The following LRP1B variants were observed in gnomAD, a reference collection of about 807,000 sequenced individuals.
LRP1B encodes the protein LDL receptor related protein 1B.
A neutral mutation model predicts 556.6 loss-of-function variants in LRP1B; 217 were observed. The observed-to-expected ratio is 0.39, with a 90% CI of 0.35 to 0.44. LRP1B has a LOEUF of 0.44. Among genes scored for constraint, LRP1B ranks in the 20% least tolerant of loss-of-function variants. The probability of loss-of-function intolerance (pLI) is 1.00; values close to 1 mark genes in which losing one functional copy is unlikely to be tolerated. For missense variants in LRP1B, 5,053 were observed against 5,620.8 expected (o/e 0.90, Z 3.23); for synonymous variants, 2,047 against 1,865.8 (o/e 1.10, Z -2.50).
intron 86 of LRP1B, among the ~76,000 whole-genome samples, chr2:140,257,143 A>G (rs2104918947): frequency 6.6e-6 from 1 of 152,208 alleles, no homozygotes; most frequent in East Asian, 1.9e-4. Context: ...GTATAAAGTT[A>G]ATTTGGGATC....
At chr2:141,769,018 A>G (rs1694818150) in intron 2 of LRP1B, among the ~76,000 whole-genome samples, 1 of 152,126 alleles carries the variant, frequency 6.6e-6, no homozygotes, top group South Asian at 2.1e-4. Context: ...CATTTTGCAG[A>G]TGAGGAAACC....
chr2:141,395,208 T>C (rs572054083), intron 3 of LRP1B, among the ~76,000 whole-genome samples: 4 of 152,232 alleles, frequency 2.6e-5, no homozygotes, highest in South Asian at 2.1e-4. Flanking sequence ...GACCTCACAT[T>C]AACTCACCAC....
intron 1 of LRP1B, among the ~76,000 whole-genome samples, chr2:142,094,727 C>T (rs560274435): frequency 2.0e-5 from 3 of 151,816 alleles, no homozygotes; most frequent in Admixed American, 2.0e-4. Context: ...GTTTCAGTCT[C>T]TTCATCTTAA....
chr2:140,937,027 A>G (rs1223831675), intron 20 of LRP1B, among the ~76,000 whole-genome samples: 1 of 152,150 alleles, frequency 6.6e-6, no homozygotes, highest in African/African-American at 2.4e-5. Flanking sequence ...TGCTATAAAT[A>G]TAAATTAGAG....
chr2:141,667,074 G>C (rs1025398342), intron 2 of LRP1B, among the ~76,000 whole-genome samples: 2 of 151,898 alleles, frequency 1.3e-5, no homozygotes, highest in Non-Finnish European at 2.9e-5. Context: ...GAAAGAGCCG[G>C]CTTCTCATTG....
At chr2:141,960,961 T>C (rs1390205325) in intron 1 of LRP1B, among the ~76,000 whole-genome samples, 2 of 151,792 alleles carry the variant, frequency 1.3e-5, no homozygotes, top group Non-Finnish European at 2.9e-5. Flanking sequence ...CTCAGCTTTT[T>C]TTATTAAATT....
rs774978668 is a variant in LRP1B, at chr2:140,352,982, T to C, written c.11621A>G (p.Gln3874Arg). ...SYKCVCDQNF[Q>R]ERNNTCIAEG... Reference sequence around the variant, plus strand: ...TGCTATGCAGGTGTTATTTCTTTCTTGAAAATTCTGGTCACACACACATTT... The same window carrying C: ...TGCTATGCAGGTGTTATTTCTTTCTCGAAAATTCTGGTCACACACACATTT... The change falls in exon 76 of 91, where the codon CAA (glutamine) becomes CGA (arginine). Residue 3874 changes from glutamine (Q) to arginine (R), a missense_variant. Gln to Arg is a conservative substitution (Grantham distance 43). Transcript: ENST00000389484. 1.2e-6 allele frequency: 2 copies of C among 1,612,880 alleles called. No homozygotes were observed. Among genetic ancestry groups the C allele is most frequent in the Non-Finnish European group, 1.7e-6 (2 of 1,179,348 alleles).
At chr2:140,447,097 A>G (rs1363490797) in intron 63 of LRP1B, among the ~76,000 whole-genome samples, 1 of 152,120 alleles carries the variant, frequency 6.6e-6, no homozygotes, top group Non-Finnish European at 1.5e-5. Flanking sequence ...AAATGCAAAT[A>G]AAACCACAAT....
chr2:140,484,920 T>C (rs1452183016), intron 59 of LRP1B, among the ~76,000 whole-genome samples: 1 of 152,172 alleles, frequency 6.6e-6, no homozygotes, highest in Non-Finnish European at 1.5e-5. Flanking sequence ...TATCCATGGA[T>C]ACTGCTTATG....
chr2:140,920,747 T>A (rs1416491243), intron 21 of LRP1B, among the ~76,000 whole-genome samples: 3 of 152,026 alleles, frequency 2.0e-5, no homozygotes, highest in African/African-American at 7.2e-5. Flanking sequence ...GATAAATTAT[T>A]ACCTTTCACT....
intron 1 of LRP1B, among the ~76,000 whole-genome samples, chr2:142,026,945 C>T (rs902102075): frequency 7.2e-5 from 11 of 151,954 alleles, no homozygotes; most frequent in African/African-American, 2.7e-4. Context: ...GAAACATGAG[C>T]ACTCAGCCAA....
intron 1 of LRP1B, among the ~76,000 whole-genome samples, chr2:141,913,642 T>C (rs999991039): frequency 1.3e-5 from 2 of 152,138 alleles, no homozygotes; most frequent in South Asian, 4.2e-4. Flanking sequence ...TGGCAGAAGG[T>C]GAGGTAAAGG....
intron 1 of LRP1B, among the ~76,000 whole-genome samples, chr2:142,068,545 C>T (rs1337458552): frequency 6.6e-6 from 1 of 151,498 alleles, no homozygotes; most frequent in African/African-American, 2.4e-5. Flanking sequence ...TCTGTATTTT[C>T]CAACATTGTC....
At chr2:141,354,875 T>A (rs1688569585) in intron 3 of LRP1B, among the ~76,000 whole-genome samples, 2 of 151,988 alleles carry the variant, frequency 1.3e-5, no homozygotes, top group Non-Finnish European at 2.9e-5. Flanking sequence ...AGCAGAAATG[T>A]TTAATGAGAG....
intron 1 of LRP1B, among the ~76,000 whole-genome samples, chr2:142,002,870 G>A (rs538479526): frequency 1.4e-4 from 22 of 152,220 alleles, no homozygotes; most frequent in Admixed American, 1.1e-3. Context: ...GAGGCAATGC[G>A]ATCTCTCTTT....
At chr2:140,800,338 G>A (rs1379851273) in intron 32 of LRP1B, among the ~76,000 whole-genome samples, 2 of 152,056 alleles carry the variant, frequency 1.3e-5, no homozygotes, top group Non-Finnish European at 2.9e-5. Context: ...CATGGCACAT[G>A]TATATATACG....
chr2:140,966,477 A>T (rs1696226310), intron 18 of LRP1B, among the ~76,000 whole-genome samples: 1 of 151,922 alleles, frequency 6.6e-6, no homozygotes, highest in Non-Finnish European at 1.5e-5. Context: ...GATTGCAAAA[A>T]TTTTCTCCCA....
intron 35 of LRP1B, among the ~76,000 whole-genome samples, chr2:140,743,299 C>T (rs1688201109): frequency 6.6e-6 from 1 of 151,908 alleles, no homozygotes; most frequent in Non-Finnish European, 1.5e-5. Flanking sequence ...CTAAAGGAAA[C>T]AACATAAAAA....
intron 2 of LRP1B, among the ~76,000 whole-genome samples, chr2:141,733,407 G>A (rs919535128): frequency 2.6e-4 from 40 of 151,896 alleles, no homozygotes; most frequent in African/African-American, 6.8e-4. Flanking sequence ...GATAAACTTC[G>A]CTCGGGTTTA....
Sources: gnomAD v4.1 joint callset for allele counts (sites outside exome capture counted in the v4.1 genomes callset) on GRCh38, gnomAD v4.1.1 for gene constraint, MANE v1.5 for transcripts, NCBI Gene and HGNC (gene_info 2026-07-23, HGNC 2026-07-21) for gene names.